CCDC146: variants seen among roughly 807,000 people sequenced by gnomAD.
CCDC146 encodes the protein coiled-coil domain containing 146.
A neutral mutation model predicts 119.3 loss-of-function variants in CCDC146; 92 were observed. The ratio of observed to expected loss-of-function variants is 0.77; its 90% CI spans 0.65 to 0.92. The LOEUF (loss-of-function observed/expected upper bound fraction) is 0.92. Among genes scored for constraint, CCDC146 ranks in the 40% least tolerant of loss-of-function variants. The pLI, the probability that CCDC146 is intolerant of heterozygous loss-of-function variation, is 0.00. For missense variants in CCDC146, 1,000 were observed against 1,103.0 expected, an observed-to-expected ratio of 0.91 and a Z score of 1.32; for synonymous variants, 372 against 371.8, an observed-to-expected ratio of 1.00 and a Z score of -0.01.
intron 2 of CCDC146, chr7:77,199,762 G>T (rs908279227): frequency 6.2e-7 from 1 of 1,613,938 alleles, no homozygotes; most frequent in African/African-American, 1.3e-5. Flanking sequence ...AAGAACAGCT[G>T]AGCTCAGCCA....
chr7:77,228,770 C>A (rs1314384511), intron 2 of CCDC146, among the ~76,000 whole-genome samples: 8 of 152,204 alleles, frequency 5.3e-5, no homozygotes, highest in Non-Finnish European at 8.8e-5. Context: ...TACACTCCCA[C>A]CAACAGTGTA....
chr7:77,180,818 G>A (rs1377704679), intron 2 of CCDC146, among the ~76,000 whole-genome samples: 5 of 152,252 alleles, frequency 3.3e-5, no homozygotes, highest in Middle Eastern at 6.8e-3. Flanking sequence ...CTTTATAGAC[G>A]TTGTAGCAAT....
At chr7:77,229,441 A>G (rs1792577651) in intron 2 of CCDC146, among the ~76,000 whole-genome samples, 1 of 152,152 alleles carries the variant, frequency 6.6e-6, no homozygotes, top group Admixed American at 6.5e-5. Context: ...CAGGGTTATT[A>G]TAATTTTAGG....
chr7:77,205,919 AG>A (rs1490614813), intron 2 of CCDC146, among the ~76,000 whole-genome samples: 1 of 152,248 alleles, frequency 6.6e-6, no homozygotes, highest in Non-Finnish European at 1.5e-5. Context: ...ACCAAGAAAA[AG>A]CACAAGAATG....
intron 2 of CCDC146, among the ~76,000 whole-genome samples, chr7:77,227,564 C>G (rs1419223774): frequency 6.6e-6 from 1 of 152,212 alleles, no homozygotes; most frequent in Non-Finnish European, 1.5e-5. Flanking sequence ...CTCAGCCTCC[C>G]AAAGTGCTGG....
Position 77,254,553 on chromosome 7 carries a change from C to T in CCDC146, c.497C>T (p.Thr166Ile), listed in dbSNP as rs781198680. The stretch of plus-strand genomic sequence containing the variant: ...ATAGTAAAAGAATTTGAGAAGATAA[C>T]AAAGCCAGGAGTAAGTCTTAGATGA... ...IIIVKEFEKI[T>I]KPGEMEKKMK... is the part of the protein sequence containing the mutation. Residue 166 changes from threonine to isoleucine, a missense_variant, in exon 5 of 19, where the codon ACA becomes ATA. Physicochemically the swap from Thr to Ile is moderately conservative, Grantham distance 89. Transcript: ENST00000285871. 6.6e-7 allele frequency: 1 copy of T among 1,523,806 alleles called. No homozygotes were observed. Among genetic ancestry groups the T allele is most frequent in the South Asian group, 1.1e-5 (1 of 87,016 alleles). The allele number at this position is 1,523,806 out of a possible 1,614,324, so 94.4% of individuals were successfully genotyped here. A position where few individuals can be genotyped will look rare whatever the true frequency, so the allele number is the denominator to read the frequency against.
At chr7:77,161,320 A>G (rs1469241417) in intron 1 of CCDC146, among the ~76,000 whole-genome samples, 3 of 152,110 alleles carry the variant, frequency 2.0e-5, no homozygotes, top group African/African-American at 7.2e-5. Context: ...TCATGCTGCT[A>G]TAAAGACACA....
At chr7:77,204,564 T>C (rs1792050431) in intron 2 of CCDC146, among the ~76,000 whole-genome samples, 1 of 152,206 alleles carries the variant, frequency 6.6e-6, no homozygotes, top group African/African-American at 2.4e-5. Flanking sequence ...ATATTCACTA[T>C]TAATGAAACT....
In CCDC146 at chr7:77,287,569, G is replaced by A. The variant is rs1793871267; in HGVS notation, c.2407G>A (p.Ala803Thr). The change falls in exon 17 of 19, where the codon GCC becomes ACC. Residue 803 changes from alanine to threonine, a missense_variant. Around this residue, in one of 2 missense-constraint regions of CCDC146, gnomAD observed 985 missense variants for 1,045.3 expected, o/e 0.94. Transcript: ENST00000285871. ...CTGCAAGCAGGACACACTGCTCTTA[G>A]CCAAGAAGGTAGGCCTGAGACCCTG... is the stretch of plus-strand genomic sequence containing the variant. ...QGCKQDTLLL[A>T]KKMNGYQRRI... 6.2e-7 allele frequency: 1 copy of A among 1,613,286 alleles called. No homozygotes were observed. The highest frequency in any genetic ancestry group is 2.2e-5 in the East Asian group (1 of 44,894).
At chr7:77,177,495 T>G (rs1791518087) in intron 2 of CCDC146, among the ~76,000 whole-genome samples, 1 of 152,222 alleles carries the variant, frequency 6.6e-6, no homozygotes, top group Non-Finnish European at 1.5e-5. Context: ...GGGTGGAATT[T>G]GGAACCCAAT....
At position 77,196,921 on chromosome 7, in the gene CCDC146, G is replaced by T; in HGVS notation, c.156+29097G>T. On this transcript the variant is annotated intron_variant, in intron 2 of 18. Transcript: ENST00000285871. The surrounding 1 kb of genome is among the most constrained non-coding windows in gnomAD (Gnocchi z 4.2). ...TTTTGGGATCAGGTGTAACTCTGTA[G>T]GTCTCACTGCTTCTTTTGCCTATTG... 6.2e-7 allele frequency: 1 copy of T among 1,613,714 alleles called. No homozygotes were observed. Among genetic ancestry groups the T allele is most frequent in the African/African-American group, 1.3e-5 (1 of 75,012 alleles).
At chr7:77,147,089 CTCGGGTACT>C (rs1309874933) in intron 1 of CCDC146, among the ~76,000 whole-genome samples, 3 of 152,194 alleles carry the variant, frequency 2.0e-5, no homozygotes, top group Non-Finnish European at 4.4e-5. Flanking sequence ...TCCCGTATTT[CTCGGGTACT>C]TTGTTCGTTT....
chr7:77,204,166 A>G (rs1792043863), intron 2 of CCDC146, among the ~76,000 whole-genome samples: 1 of 152,188 alleles, frequency 6.6e-6, no homozygotes. Flanking sequence ...TATTAAACTC[A>G]GGAACCTTTA....
chr7:77,223,147 C>G (rs1031789294), intron 2 of CCDC146, among the ~76,000 whole-genome samples: 3 of 152,146 alleles, frequency 2.0e-5, no homozygotes, highest in African/African-American at 4.8e-5. Flanking sequence ...CCATCTCCCC[C>G]CAGGATCCTT....
At chr7:77,181,963 A>G (rs1189369959) in intron 2 of CCDC146, among the ~76,000 whole-genome samples, 1 of 152,114 alleles carries the variant, frequency 6.6e-6, no homozygotes, top group African/African-American at 2.4e-5. Context: ...ATGTACGTTG[A>G]TGTAGGGGAA....
At chr7:77,289,108 C>G (rs545059426) in intron 17 of CCDC146, among the ~76,000 whole-genome samples, 1 of 152,324 alleles carries the variant, frequency 6.6e-6, no homozygotes, top group East Asian at 1.9e-4. Flanking sequence ...TGCCACTGGA[C>G]TGATGCGAAG....
intron 2 of CCDC146, among the ~76,000 whole-genome samples, chr7:77,225,934 A>G (rs990757447): frequency 1.4e-5 from 1 of 73,746 alleles, no homozygotes; most frequent in Non-Finnish European, 2.6e-5. Context: ...CAAGAGCGAA[A>G]CTTCATCTCA....
chr7:77,266,970 T>C (rs960090774), intron 9 of CCDC146, among the ~76,000 whole-genome samples: 2 of 150,190 alleles, frequency 1.3e-5, no homozygotes, highest in African/African-American at 4.9e-5. Flanking sequence ...TAGCTCCCTG[T>C]AGTGATGATA....
intron 2 of CCDC146, among the ~76,000 whole-genome samples, chr7:77,201,212 A>G (rs1282868621): frequency 6.6e-6 from 1 of 152,090 alleles, no homozygotes; most frequent in African/African-American, 2.4e-5. Context: ...GAATTTAGCT[A>G]TTTCTTCCCT....
Sources: gnomAD v4.1 joint callset for allele counts (sites outside exome capture counted in the v4.1 genomes callset) on GRCh38, gnomAD v4.1.1 for gene constraint, gnomAD v4.1.1 regional missense constraint, Gnocchi (gnomAD v3.1) non-coding constraint, MANE v1.5 for transcripts, NCBI Gene and HGNC (gene_info 2026-07-23, HGNC 2026-07-21) for gene names.